The following RBM39 variants were observed in gnomAD, a reference collection of about 807,000 sequenced individuals.
RBM39 encodes the protein RNA binding motif protein 39.
In RBM39, 12 loss-of-function variants were observed where a neutral mutation model predicts 79.6. The ratio of observed to expected loss-of-function variants is 0.15; its 90% confidence interval spans 0.10 to 0.24. The LOEUF is 0.24. Among genes scored for constraint, RBM39 ranks in the 10% least tolerant of loss-of-function variants. The probability of loss-of-function intolerance (pLI) is 1.00; values close to 1 mark genes in which losing one functional copy is unlikely to be tolerated. For missense variants in RBM39, 243 were observed against 653.4 expected (o/e 0.37, Z 6.85); for synonymous variants, 185 against 208.4 (o/e 0.89, Z 0.97).
intron 10 of RBM39, among the ~76,000 whole-genome samples, chr20:35,715,048 A>G (rs2036936215): frequency 6.6e-6 from 1 of 152,250 alleles, no homozygotes; most frequent in African/African-American, 2.4e-5. Flanking sequence ...TAAGTTAAAC[A>G]GATTTGCTAT....
At chr20:35,717,370 A>T (rs1038639048) in intron 9 of RBM39, among the ~76,000 whole-genome samples, 53 of 152,268 alleles carry the variant, frequency 3.5e-4, no homozygotes, top group African/African-American at 1.3e-3. Flanking sequence ...GGAGAAAAAA[A>T]AACTATGATT....
chr20:35,730,114 A>G (rs2039205872), intron 4 of RBM39, among the ~76,000 whole-genome samples: 1 of 152,220 alleles, frequency 6.6e-6, no homozygotes, highest in Non-Finnish European at 1.5e-5. Flanking sequence ...CACTTAACAC[A>G]CTACATACTT....
chr20:35,727,305 G>C (rs1419634190), intron 6 of RBM39, among the ~76,000 whole-genome samples: 3 of 151,206 alleles, frequency 2.0e-5, no homozygotes, highest in African/African-American at 7.3e-5. Flanking sequence ...AGACATGATT[G>C]CGTCACTGCA....
Position 35,701,823 on chromosome 20 carries a change from CTT to C in RBM39, c.*2656_*2657del, listed in dbSNP as rs1327417170. The C allele has an allele frequency of 4.6e-5, 7 of 152,108 alleles. No homozygotes were observed. The highest frequency in any genetic ancestry group is 1.7e-4 in the African/African-American group (7 of 41,426). The allele number at this position is 152,108 out of a possible 1,614,324, so 9.4% of individuals were successfully genotyped here. ...GTGTTGGCCAGGCTGGTCTCAAACT[CTT>C]GACCTCATGATCCACCCGCCTCCGC... On this transcript the variant is annotated 3_prime_UTR_variant, in exon 17 of 17. Transcript: ENST00000253363.
chr20:35,713,949 C>T (rs2425084), intron 11 of RBM39: 77,092 of 482,698 alleles, frequency 0.16, 7,303 homozygotes, highest in African/African-American at 0.34. Context: ...CATATAAACA[C>T]TACATAAAGG....
At chr20:35,725,527 T>TG (rs1171646815) in intron 6 of RBM39, among the ~76,000 whole-genome samples, 2 of 152,178 alleles carry the variant, frequency 1.3e-5, no homozygotes, top group Non-Finnish European at 2.9e-5. Context: ...ATGATCCGCC[T>TG]GCCTTGGCCT....
chr20:35,712,611 TAAAGAA>T (rs2036578608), intron 12 of RBM39, among the ~76,000 whole-genome samples: 1 of 151,938 alleles, frequency 6.6e-6, no homozygotes, highest in Non-Finnish European at 1.5e-5. Flanking sequence ...TTATGTACTA[TAAAGAA>T]AAATAACTGT....
chr20:35,742,183 C>T lies in RBM39; in HGVS notation c.-256G>A, dbSNP rs2040622778. On this transcript the variant is annotated 5_prime_UTR_variant, in exon 1 of 17. The change creates a premature stop within an existing upstream ORF in the 5' untranslated region. Coordinates refer to ENST00000253363, the MANE Select transcript of RBM39 (RefSeq NM_184234.3). ...GACGGCGGCTTCGGCAGCTCAGGAT[C>T]CACCCCTGCGACAGCGTCGACAAGC... is the stretch of plus-strand genomic sequence containing the variant. 1 of 159,540 alleles carries T rather than the reference C, an allele frequency of 6.3e-6. No individual in the cohort carries two copies. Among genetic ancestry groups the T allele is most frequent in the Non-Finnish European group, 1.4e-5 (1 of 71,862 alleles). 9.9% of individuals were successfully genotyped at this position (159,540 alleles called of 1,614,324 possible).
At chr20:35,718,292 A>C (rs976767526) in intron 9 of RBM39, among the ~76,000 whole-genome samples, 4 of 151,194 alleles carry the variant, frequency 2.6e-5, no homozygotes, top group Admixed American at 6.6e-5. Context: ...CAAAAAAAAA[A>C]CGGGTAAGGG....
chr20:35,733,625 A>G (rs188247316), intron 3 of RBM39, among the ~76,000 whole-genome samples: 59 of 152,236 alleles, frequency 3.9e-4, no homozygotes, highest in Non-Finnish European at 7.6e-4. Flanking sequence ...AAGAAAAAGA[A>G]AAAGAACTAA....
intron 2 of RBM39, chr20:35,740,441 T>C: frequency 1.3e-6 from 1 of 790,308 alleles, no homozygotes; most frequent in South Asian, 1.5e-5. Flanking sequence ...ACCTTTTTGC[T>C]ATACCAAACT....
At position 35,702,583 on chromosome 20, in the gene RBM39, G is replaced by C. The variant is rs2035335841; in HGVS notation, c.*1898C>G. The C allele has an allele frequency of 6.6e-6, 1 of 152,204 alleles. No homozygotes were observed. Among genetic ancestry groups the C allele is most frequent in the Non-Finnish European group, 1.5e-5 (1 of 68,036 alleles). 9.4% of individuals were successfully genotyped at this position (152,204 alleles called of 1,614,324 possible). A position where few individuals can be genotyped will look rare whatever the true frequency, so the allele number is the denominator to read the frequency against. On this transcript the variant is annotated 3_prime_UTR_variant, in exon 17 of 17. Coordinates refer to ENST00000253363, the MANE Select transcript of RBM39 (RefSeq NM_184234.3). ...GATAGCAGGAGATACTTTGGAAAAA[G>C]AGCACACTGACAGAGTGTCTCTGCC...
At position 35,729,318 on chromosome 20, in the gene RBM39, G is replaced by T; in HGVS notation, c.410C>A (p.Pro137His). Residue 137 changes from proline (P) to histidine (H), a missense_variant, in exon 6 of 17, where the codon CCT becomes CAT. Physicochemically the swap from Pro to His is moderately conservative, Grantham distance 77. Transcript: ENST00000253363. The stretch of plus-strand genomic sequence containing the variant: ...CTTTAAAGAAGTAAACTACCTCACA[G>T]GGCTCTTGTCTTTTCTGAATGGACT... ...SKSPFRKDKS[P>H]VREPIDNLTP... 6.3e-7 allele frequency: 1 copy of T among 1,595,564 alleles called. No homozygotes were observed. The highest frequency in any genetic ancestry group is 8.5e-7 in the Non-Finnish European group (1 of 1,175,616).
At chr20:35,707,321 A>G in intron 13 of RBM39, 120 bp from the exon 14 acceptor site, 1 of 518,310 alleles carries the variant, frequency 1.9e-6, no homozygotes. Flanking sequence ...CACTGGAGTT[A>G]TTTTACCTTA....
At chr20:35,711,362 G>A (rs1472058175) in intron 12 of RBM39, among the ~76,000 whole-genome samples, 1 of 152,086 alleles carries the variant, frequency 6.6e-6, no homozygotes, top group Non-Finnish European at 1.5e-5. Flanking sequence ...CTATCAATTA[G>A]AGCAAGTAGC....
intron 2 of RBM39, chr20:35,739,317 TTAAATA>T (rs1417657537): frequency 2.2e-5 from 10 of 460,332 alleles, no homozygotes; most frequent in Middle Eastern, 3.3e-4. Flanking sequence ...GTTGAAGTGG[TTAAATA>T]TAATTTCCAT....
chr20:35,741,209 T>A (rs2146770417), intron 1 of RBM39, among the ~76,000 whole-genome samples: 1 of 151,704 alleles, frequency 6.6e-6, no homozygotes, highest in African/African-American at 2.4e-5. Context: ...AATTTTTGTA[T>A]TTTTGGTAGA....
intron 12 of RBM39, chr20:35,710,209 C>CAT (rs2036233555): frequency 6.6e-6 from 1 of 152,120 alleles, no homozygotes; most frequent in African/African-American, 2.4e-5. Flanking sequence ...TTTATTACCA[C>CAT]ATATATGGGT....
At chr20:35,716,362 C>CCG in intron 10 of RBM39, among the ~76,000 whole-genome samples, 1 of 152,324 alleles carries the variant, frequency 6.6e-6, no homozygotes, top group African/African-American at 2.4e-5. Context: ...GCATAAGCCA[C>CCG]CGCGCCCGGC....
Sources: allele counts gnomAD v4.1 joint callset (sites outside exome capture counted in the v4.1 genomes callset), GRCh38; gene constraint gnomAD v4.1.1; transcripts MANE v1.5; gene names NCBI Gene and HGNC (gene_info 2026-07-23, HGNC 2026-07-21).